Variants in TULP4 observed in about 807,000 individuals in gnomAD.
The protein encoded by TULP4 is tubby-related protein 4.
In TULP4, 16 loss-of-function variants were observed where a neutral mutation model predicts 129.0. The ratio of observed to expected loss-of-function variants is 0.12; its 90% confidence interval spans 0.08 to 0.19. The LOEUF is 0.19. Among genes scored for constraint, TULP4 ranks in the 10% least tolerant of loss-of-function variants. The probability of loss-of-function intolerance (pLI) is 1.00; values close to 1 mark genes in which losing one functional copy is unlikely to be tolerated. For missense variants in TULP4, 1,842 were observed against 2,059.1 expected, an observed-to-expected ratio of 0.89 and a Z score of 2.04; for synonymous variants, 998 against 854.0, an observed-to-expected ratio of 1.17 and a Z score of -2.94.
At chr6:158,304,435 TTCTAATAATATC>T in intron 1 of TULP4, among the ~76,000 whole-genome samples, 1 of 152,308 alleles carries the variant, frequency 6.6e-6, no homozygotes, top group Non-Finnish European at 1.5e-5. Context: ...ACAGGTTTGT[TTCTAATAATATC>T]TGTGGAGGTC....
chr6:158,481,787 T>C (rs953529725), intron 8 of TULP4, among the ~76,000 whole-genome samples: 5 of 152,226 alleles, frequency 3.3e-5, no homozygotes, highest in Non-Finnish European at 7.3e-5. Context: ...ATAAAGATGT[T>C]GGTATGAGTC....
chr6:158,354,170 G>A (rs183973021), intron 1 of TULP4, among the ~76,000 whole-genome samples: 7 of 152,262 alleles, frequency 4.6e-5, no homozygotes, highest in African/African-American at 1.7e-4. Context: ...CTAGAGGATT[G>A]TGTCTTTATT....
chr6:158,492,793 A>T (rs935309788), intron 9 of TULP4, among the ~76,000 whole-genome samples: 1 of 152,242 alleles, frequency 6.6e-6, no homozygotes, highest in Non-Finnish European at 1.5e-5. Flanking sequence ...ACTGTTTTAA[A>T]CCTTACCATA....
At chr6:158,281,855 C>T (rs547706494), upstream of TULP4, among the ~76,000 whole-genome samples, 31 of 152,228 alleles carry the variant, frequency 2.0e-4, no homozygotes, top group South Asian at 6.2e-4. Context: ...ATGACTCTTC[C>T]GTAGTGCTTC....
intron 1 of TULP4, among the ~76,000 whole-genome samples, chr6:158,245,619 A>G (rs1251515107): frequency 6.6e-6 from 1 of 152,234 alleles, no homozygotes; most frequent in Non-Finnish European, 1.5e-5. Context: ...AATAGTAGGA[A>G]ATGTTAGAAC....
At chr6:158,421,419 G>T (rs1380157763) in intron 2 of TULP4, among the ~76,000 whole-genome samples, 4 of 151,858 alleles carry the variant, frequency 2.6e-5, no homozygotes, top group African/African-American at 9.7e-5. Flanking sequence ...ACTCAAAGGG[G>T]TCCGGGAGGT....
At chr6:158,415,735 C>T (rs1778195355) in intron 2 of TULP4, among the ~76,000 whole-genome samples, 1 of 151,430 alleles carries the variant, frequency 6.6e-6, no homozygotes, top group Non-Finnish European at 1.5e-5. Context: ...CTGAAGAAGG[C>T]ATTGTTATCA....
intron 1 of TULP4, chr6:158,242,614 A>C: frequency 2.8e-6 from 2 of 707,700 alleles, no homozygotes; most frequent in Non-Finnish European, 5.3e-6. Flanking sequence ...AGTTTGGTGC[A>C]AGTATTGATG....
intron 3 of TULP4, among the ~76,000 whole-genome samples, chr6:158,445,596 G>A (rs771325729): frequency 2.0e-4 from 30 of 152,152 alleles, no homozygotes; most frequent in Middle Eastern, 3.2e-3. Context: ...GGGGGCCGTG[G>A]TTAGAGCAAG....
intron 1 of TULP4, among the ~76,000 whole-genome samples, chr6:158,399,834 C>T (rs1777802464): frequency 6.6e-6 from 1 of 152,240 alleles, no homozygotes; most frequent in Non-Finnish European, 1.5e-5. Context: ...AACTCTTACA[C>T]TGTACTCAAA....
chr6:158,500,110 G>A (rs1398229933), intron 12 of TULP4, among the ~76,000 whole-genome samples: 2 of 152,154 alleles, frequency 1.3e-5, no homozygotes, highest in East Asian at 1.9e-4. Context: ...CCCAAAATGC[G>A]AGGAATACAG....
chr6:158,279,015 C>T (rs1191319281), upstream of TULP4, among the ~76,000 whole-genome samples: 1 of 148,958 alleles, frequency 6.7e-6, no homozygotes, highest in Non-Finnish European at 1.5e-5. Context: ...TCTCGGCTCA[C>T]TGCAAGCTCC....
chr6:158,479,640 G>A (rs1779894095), intron 6 of TULP4, 111 bp from the exon 7 acceptor site: 1 of 972,310 alleles, frequency 1.0e-6, no homozygotes, highest in Non-Finnish European at 1.5e-6. Context: ...TTTAAAACCA[G>A]TATTCTCAAA....
intron 1 of TULP4, among the ~76,000 whole-genome samples, chr6:158,317,357 C>T (rs1277553700): frequency 4.0e-5 from 6 of 150,540 alleles, no homozygotes; most frequent in East Asian, 3.9e-4. Flanking sequence ...TGATGTTCCC[C>T]GCCCTGTATC....
rs557658779 is a variant in TULP4, at chr6:158,423,131, G to A, written c.382-6605G>A. ...TTCCTCCACAAAAAAGAGGGGGGGG[G>A]GGGGAAAGAAACCTTCCCAGGACCC... On this transcript the variant is annotated intron_variant, in intron 2 of 13. Transcript: ENST00000367097. 2.5e-3 allele frequency among the ~76,000 whole-genome samples: 379 copies of A among 151,300 alleles called. 7 individuals are homozygous for A. The highest frequency in any genetic ancestry group is 8.8e-3 in the African/African-American group (363 of 41,138).
chr6:158,434,359 A>G (rs533456560), intron 3 of TULP4, among the ~76,000 whole-genome samples: 1 of 152,240 alleles, frequency 6.6e-6, no homozygotes, highest in Non-Finnish European at 1.5e-5. Flanking sequence ...ATATTTGTAA[A>G]TAGAACAGGT....
At chr6:158,384,805 A>G (rs1022987155) in intron 1 of TULP4, among the ~76,000 whole-genome samples, 1 of 152,170 alleles carries the variant, frequency 6.6e-6, no homozygotes, top group African/African-American at 2.4e-5. Context: ...TCTAGGAGCA[A>G]GATATTCAGG....
At chr6:158,480,751 G>A (rs1779922613) in intron 7 of TULP4, among the ~76,000 whole-genome samples, 1 of 151,834 alleles carries the variant, frequency 6.6e-6, no homozygotes, top group Non-Finnish European at 1.5e-5. Context: ...TCTCAACACC[G>A]GTGTATTATA....
At chr6:158,252,366 T>G (rs770696137) in intron 1 of TULP4, among the ~76,000 whole-genome samples, 1 of 151,990 alleles carries the variant, frequency 6.6e-6, no homozygotes, top group Non-Finnish European at 1.5e-5. Flanking sequence ...TTTTAATTTT[T>G]TTATAAGCTT....
Sources: allele counts gnomAD v4.1 joint callset (sites outside exome capture counted in the v4.1 genomes callset), GRCh38; gene constraint gnomAD v4.1.1; transcripts MANE v1.5; gene names NCBI Gene and HGNC (gene_info 2026-07-23, HGNC 2026-07-21).